INTS12: variants seen among roughly 807,000 people sequenced by gnomAD.
INTS12 encodes integrator complex subunit 12.
In INTS12, 13 loss-of-function variants were observed where a neutral mutation model predicts 41.6. The ratio of observed to expected loss-of-function variants is 0.31; its 90% CI spans 0.20 to 0.50. The LOEUF (loss-of-function observed/expected upper bound fraction) is 0.50, where lower values mean the gene tolerates loss of function less well. Among genes scored for constraint, INTS12 ranks in the 20% least tolerant of loss-of-function variants. The pLI is 0.98. For missense variants in INTS12, 432 were observed against 541.6 expected (o/e 0.80, Z 2.01); for synonymous variants, 199 against 191.4 (o/e 1.04, Z -0.33).
chr4:105,698,115 T>C (rs1481724041), intron 3 of INTS12, among the ~76,000 whole-genome samples: 1 of 152,228 alleles, frequency 6.6e-6, no homozygotes, highest in Non-Finnish European at 1.5e-5. Flanking sequence ...GACAAAGTCA[T>C]GCAGTATTAA....
At chr4:105,703,061 A>ATTGTATAGAAGT (rs1732138949) in intron 2 of INTS12, 2 of 973,842 alleles carry the variant, frequency 2.1e-6, no homozygotes, top group Non-Finnish European at 2.4e-6. Flanking sequence ...GTTACACCAA[A>ATTGTATAGAAGT]TCATGTTACT....
intron 5 of INTS12, 22 bp downstream of exon 5, chr4:105,693,277 T>A: frequency 6.5e-7 from 1 of 1,550,344 alleles, no homozygotes; most frequent in Non-Finnish European, 8.8e-7. Context: ...AACAAAAGAA[T>A]CTGTGGCAAG....
chr4:105,702,885 C>A, intron 2 of INTS12: 1 of 983,852 alleles, frequency 1.0e-6, no homozygotes, highest in South Asian at 4.7e-5. Flanking sequence ...TTCTATCTTA[C>A]CTTTACTCCC....
At chr4:105,685,618 A>C (rs749722938) in intron 7 of INTS12, among the ~76,000 whole-genome samples, 1 of 152,152 alleles carries the variant, frequency 6.6e-6, no homozygotes, top group Admixed American at 6.5e-5. Flanking sequence ...TAAGGCAATA[A>C]CTTTAGAGTT....
chr4:105,686,720 A>C lies in INTS12; in HGVS notation c.776T>G (p.Phe259Cys). ...PETKLKQETTFLAFKRTEVKT... is the reference protein window; with the variant it reads ...PETKLKQETTCLAFKRTEVKT... ...GACTTCTGTTCTCTTAAACGCTAGA[A>C]AAGTTGTCTCTTGTTTCAGTTTAGT... Residue 259 changes from phenylalanine (F) to cysteine (C), a missense_variant, in exon 7 of 8, where the codon TTT becomes TGT. Phe to Cys is a radical substitution (Grantham distance 205, BLOSUM62 -2). Around this residue, in one of 3 missense-constraint regions of INTS12, gnomAD observed 258 missense variants for 309.9 expected, o/e 0.83. Coordinates refer to ENST00000340139, the MANE Select transcript of INTS12 (RefSeq NM_020395.4). The C allele has an allele frequency of 1.2e-6, 2 of 1,613,180 alleles. No individual in the cohort carries two copies. The highest frequency in any genetic ancestry group is 1.7e-6 in the Non-Finnish European group (2 of 1,179,340).
chr4:105,687,075 A>C (rs544285240), intron 6 of INTS12: 6 of 482,762 alleles, frequency 1.2e-5, no homozygotes, highest in Non-Finnish European at 1.8e-5. Context: ...AATACAGAAG[A>C]GGGTTAGTTA....
intron 7 of INTS12, among the ~76,000 whole-genome samples, chr4:105,685,186 T>C (rs920482131): frequency 6.6e-6 from 1 of 152,094 alleles, no homozygotes; most frequent in Admixed American, 6.6e-5. Context: ...ATAGTATAAA[T>C]TTATTCACTT....
At chr4:105,708,229 C>G (rs1390455783) in intron 1 of INTS12, 33 of 985,320 alleles carry the variant, frequency 3.3e-5, no homozygotes, top group Non-Finnish European at 3.9e-5. Context: ...ACAGCAAACA[C>G]TTAGAAAAGG....
chr4:105,684,845 T>C (rs1400820428), intron 7 of INTS12, among the ~76,000 whole-genome samples: 1 of 152,076 alleles, frequency 6.6e-6, no homozygotes, highest in African/African-American at 2.4e-5. Context: ...TTCAAAAAAC[T>C]TCACAAAAGA....
At chr4:105,705,039 G>A (rs1732217535) in intron 1 of INTS12, among the ~76,000 whole-genome samples, 1 of 152,104 alleles carries the variant, frequency 6.6e-6, no homozygotes. Context: ...AAAGGTTCAA[G>A]AATAAGATTC....
In INTS12 at chr4:105,689,784, T is replaced by C. The variant is rs1329610607; in HGVS notation, c.657+2192A>G. Among the ~76,000 whole-genome samples the C allele has an allele frequency of 3.9e-5, 6 of 152,104 alleles. No homozygotes were observed. In the East Asian group the frequency reaches 1.2e-3, roughly 29 times the overall value. The stretch of plus-strand genomic sequence containing the variant: ...AGCTAGGCCTGGTGGCACATGCCTG[T>C]AGTCCCAGCTACTTGGGAGGCTGAG... On this transcript the variant is annotated intron_variant, in intron 6 of 7. Coordinates refer to ENST00000340139, the MANE Select transcript of INTS12 (RefSeq NM_020395.4).
intron 2 of INTS12, among the ~76,000 whole-genome samples, chr4:105,701,636 CT>C (rs1319507969): frequency 4.6e-5 from 7 of 151,904 alleles, no homozygotes; most frequent in South Asian, 2.1e-4. Flanking sequence ...AGCCTAATCT[CT>C]TTTTTTTCTT....
intron 7 of INTS12, among the ~76,000 whole-genome samples, chr4:105,684,925 T>C (rs1311728048): frequency 1.3e-5 from 2 of 152,142 alleles, no homozygotes; most frequent in Non-Finnish European, 2.9e-5. Context: ...TCTATGTGTC[T>C]GGCATTTCAT....
In INTS12 at chr4:105,698,313, A is replaced by C. The variant is rs540539153; in HGVS notation, c.156+1537T>G. On this transcript the variant is annotated intron_variant, in intron 3 of 7. Transcript: ENST00000340139. Reference sequence around the variant, plus strand: ...CTCCAGGTGATTCTTATCCATGCTAAAGTTTGAGAAACACTGGCATAAATC... The same window carrying C: ...CTCCAGGTGATTCTTATCCATGCTACAGTTTGAGAAACACTGGCATAAATC... Among the ~76,000 whole-genome samples, 42 of 152,290 alleles carry C rather than the reference A, an allele frequency of 2.8e-4. 1 individual carries two copies. In the South Asian group the frequency reaches 8.7e-3, roughly 32 times the overall value.
intron 6 of INTS12, among the ~76,000 whole-genome samples, chr4:105,688,273 T>A (rs1333917803): frequency 6.6e-6 from 1 of 152,182 alleles, no homozygotes; most frequent in African/African-American, 2.4e-5. Context: ...TCTTTGATAA[T>A]CTTCATAAGC....
At chr4:105,708,008 T>C (rs1007337396) in intron 1 of INTS12, 2 of 985,368 alleles carry the variant, frequency 2.0e-6, no homozygotes, top group African/African-American at 3.5e-5. Context: ...TGCAGTATTA[T>C]CGTTGCCATT....
intron 3 of INTS12, 39 bp downstream of exon 3, chr4:105,699,809 CCT>C: frequency 7.1e-7 from 1 of 1,400,608 alleles, no homozygotes; most frequent in Non-Finnish European, 9.6e-7. Flanking sequence ...GTACTACAGG[CCT>C]TACAAAACTC....
intron 5 of INTS12, 114 bp from the exon 6 acceptor site, chr4:105,692,249 C>T: frequency 1.1e-6 from 1 of 948,070 alleles, no homozygotes; most frequent in Non-Finnish European, 1.6e-6. Flanking sequence ...TTTGGGAGGC[C>T]AAGGCAGGCG....
intron 2 of INTS12, among the ~76,000 whole-genome samples, chr4:105,701,233 C>CTT (rs57389075): frequency 2.3e-5 from 3 of 132,780 alleles, no homozygotes; most frequent in South Asian, 2.5e-4. Context: ...CATCCCTAGG[C>CTT]TTTTTTTTTT....
Sources: allele counts gnomAD v4.1 joint callset (sites outside exome capture counted in the v4.1 genomes callset), GRCh38; gene constraint gnomAD v4.1.1; regional missense constraint gnomAD v4.1.1; transcripts MANE v1.5; gene names NCBI Gene and HGNC (gene_info 2026-07-23, HGNC 2026-07-21).